MYO1H: variants seen among roughly 807,000 people sequenced by gnomAD.
The protein encoded by MYO1H is myosin IH, also known as unconventional myosin-Ih.
In MYO1H, 118 loss-of-function variants were observed where a neutral mutation model predicts 149.3. The observed-to-expected ratio is 0.79, with a 90% CI of 0.68 to 0.92. MYO1H has a LOEUF of 0.92. Ranked by LOEUF, MYO1H falls within the 40% of genes least tolerant of loss-of-function variation. The pLI, the probability that MYO1H is intolerant of heterozygous loss-of-function variation, is 0.00. For missense variants in MYO1H, 1,212 were observed against 1,280.7 expected (o/e 0.95, Z 0.82); for synonymous variants, 447 against 465.2 (o/e 0.96, Z 0.50).
chr12:109,377,074 C>T (rs73403737), intron 1 of MYO1H, among the ~76,000 whole-genome samples: 125 of 152,254 alleles, frequency 8.2e-4, no homozygotes, highest in Middle Eastern at 6.8e-3. Flanking sequence ...ATTGTGCAGC[C>T]GCCACTTCTT....
intron 19 of MYO1H, among the ~76,000 whole-genome samples, chr12:109,428,308 G>A (rs954315830): frequency 3.9e-5 from 6 of 151,994 alleles, no homozygotes; most frequent in African/African-American, 7.2e-5. Flanking sequence ...TTAGCGCAAC[G>A]GGCTGTCAAG....
chr12:109,315,417 A>G, the MYO1H span, among the ~76,000 whole-genome samples: 1 of 152,050 alleles, frequency 6.6e-6, no homozygotes, highest in Admixed American at 6.5e-5. Context: ...TCTATTCTGT[A>G]TTCTATTTTC....
chr12:109,341,727 AAACT>A, the MYO1H span, among the ~76,000 whole-genome samples: 1 of 152,176 alleles, frequency 6.6e-6, no homozygotes, highest in Non-Finnish European at 1.5e-5. Context: ...AGCAGGGATA[AAACT>A]TAAGGAAGTT....
chr12:109,434,355 G>A (rs1019346626), intron 20 of MYO1H, among the ~76,000 whole-genome samples: 5 of 152,162 alleles, frequency 3.3e-5, no homozygotes, highest in East Asian at 1.9e-4. Flanking sequence ...CTGGCTGGGC[G>A]TGGTGGCTGG....
chr12:109,436,225 G>C (rs1871851482), intron 21 of MYO1H, among the ~76,000 whole-genome samples: 1 of 152,134 alleles, frequency 6.6e-6, no homozygotes, highest in South Asian at 2.1e-4. Flanking sequence ...GAACTGGGGG[G>C]CTTGTAGCAC....
chr12:109,397,303 C>A (rs2137044756), intron 4 of MYO1H, among the ~76,000 whole-genome samples: 1 of 152,186 alleles, frequency 6.6e-6, no homozygotes, highest in African/African-American at 2.4e-5. Context: ...AAGTCATTTT[C>A]TCCTGTGTTT....
intron 5 of MYO1H, among the ~76,000 whole-genome samples, chr12:109,400,855 C>G (rs1018511533): frequency 2.0e-5 from 3 of 152,144 alleles, no homozygotes; most frequent in African/African-American, 7.2e-5. Flanking sequence ...CCTAAACAAT[C>G]ATGCTTCTAG....
intron 19 of MYO1H, among the ~76,000 whole-genome samples, chr12:109,431,708 T>C (rs1449214104): frequency 6.6e-6 from 1 of 152,202 alleles, no homozygotes; most frequent in African/African-American, 2.4e-5. Flanking sequence ...GACATCACGG[T>C]TCTCTTTCTA....
intron 1 of MYO1H, among the ~76,000 whole-genome samples, chr12:109,361,401 A>T (rs187241113): frequency 4.6e-5 from 7 of 152,270 alleles, no homozygotes. Flanking sequence ...TTTGCTGAGG[A>T]CTTACCCCCC....
At chr12:109,435,102 A>G (rs1871802046) in exon 21 of MYO1H, 7 of 1,600,876 alleles carry the variant, frequency 4.4e-6, no homozygotes, top group Non-Finnish European at 6.0e-6. Flanking sequence ...GAATTTAGTA[A>G]ACATCAACTA....
the MYO1H span, among the ~76,000 whole-genome samples, chr12:109,318,542 A>G: frequency 3.3e-5 from 5 of 152,196 alleles, no homozygotes; most frequent in Admixed American, 2.0e-4. Context: ...TTCCCCAATA[A>G]ATGATGAAGG....
intron 7 of MYO1H, 41 bp from the exon 8 acceptor site, chr12:109,405,881 T>A: frequency 2.1e-6 from 3 of 1,426,562 alleles, no homozygotes; most frequent in African/African-American, 1.4e-5. Context: ...TCTCTTTCCC[T>A]GTCCTGATCT....
At chr12:109,318,854 C>A in the MYO1H span, among the ~76,000 whole-genome samples, 5 of 151,856 alleles carry the variant, frequency 3.3e-5, no homozygotes, top group Non-Finnish European at 7.4e-5. Flanking sequence ...TAGGAATGTG[C>A]CAAAGTGGAT....
chr12:109,444,898 G>GA (rs1394175924), intron 30 of MYO1H, among the ~76,000 whole-genome samples: 1 of 151,786 alleles, frequency 6.6e-6, no homozygotes, highest in Non-Finnish European at 1.5e-5. Flanking sequence ...GATCGGGGAA[G>GA]ATGCAAATAT....
At chr12:109,387,758 C>A (rs1869416959) in intron 1 of MYO1H, among the ~76,000 whole-genome samples, 1 of 152,206 alleles carries the variant, frequency 6.6e-6, no homozygotes, top group African/African-American at 2.4e-5. Flanking sequence ...TTGTCACAGC[C>A]CTCCTGATGC....
chr12:109,432,878 T>C lies in MYO1H; in HGVS notation c.1950-19T>C. 1 of 1,607,120 alleles carries C rather than the reference T, an allele frequency of 6.2e-7. No individual in the cohort carries two copies. The highest frequency in any genetic ancestry group is 8.5e-7 in the Non-Finnish European group (1 of 1,173,590). ...GGAAGGTACGGTCACAGCTTCTCCATGTCCATCTCCTCTCCTAGGTACAAG... is the reference window on the plus strand; with the variant it reads ...GGAAGGTACGGTCACAGCTTCTCCACGTCCATCTCCTCTCCTAGGTACAAG... On this transcript the variant is annotated intron_variant, in intron 19 of 31. Coordinates refer to ENST00000310903, the Ensembl canonical transcript of MYO1H.
chr12:109,338,765 C>CAAAA, the MYO1H span, among the ~76,000 whole-genome samples: 2 of 87,314 alleles, frequency 2.3e-5, no homozygotes, highest in African/African-American at 4.7e-5. Context: ...GACTCCATCT[C>CAAAA]AAAAAAAAAA....
intron 31 of MYO1H, 21 bp from the exon 32 acceptor site, chr12:109,447,138 C>T (rs748476840): frequency 1.9e-5 from 31 of 1,593,168 alleles, no homozygotes; most frequent in Non-Finnish European, 2.1e-5. Context: ...GGCTGTAAAC[C>T]GAAGTGTGAC....
At chr12:109,391,887 TC>T (rs1220849095) in intron 2 of MYO1H, among the ~76,000 whole-genome samples, 1 of 152,214 alleles carries the variant, frequency 6.6e-6, no homozygotes, top group Non-Finnish European at 1.5e-5. Flanking sequence ...CTGTTTATTT[TC>T]CTTTGCCCAC....
Sources: allele counts gnomAD v4.1 joint callset (sites outside exome capture counted in the v4.1 genomes callset), GRCh38; gene constraint gnomAD v4.1.1; transcripts MANE v1.5; gene names NCBI Gene and HGNC (gene_info 2026-07-23, HGNC 2026-07-21).